SYNDIG1: variants seen among roughly 807,000 people sequenced by gnomAD.
The protein encoded by SYNDIG1 is synapse differentiation-inducing gene protein 1.
In SYNDIG1, 9 loss-of-function variants were observed where a neutral mutation model predicts 19.4. That is an observed-to-expected ratio of 0.46 (90% CI 0.28 to 0.81). SYNDIG1 has a LOEUF of 0.81. Among genes scored for constraint, SYNDIG1 ranks in the 30% least tolerant of loss-of-function variants. The pLI is 0.12. For synonymous variants in SYNDIG1, 141 were observed against 145.9 expected (o/e 0.97, Z 0.24); for missense variants, 311 against 343.3 (o/e 0.91, Z 0.74).
intron 2 of SYNDIG1, among the ~76,000 whole-genome samples, chr20:24,553,566 A>G (rs1218424936): frequency 6.6e-6 from 1 of 152,066 alleles, no homozygotes; most frequent in African/African-American, 2.4e-5. Flanking sequence ...ATTAAATAGG[A>G]AATCCTTCCC....
chr20:24,503,986 G>A (rs1460766694), intron 1 of SYNDIG1, among the ~76,000 whole-genome samples: 1 of 142,854 alleles, frequency 7.0e-6, no homozygotes, highest in Non-Finnish European at 1.5e-5. Flanking sequence ...TTGAGACGGA[G>A]TCTCACACTT....
At chr20:24,640,808 A>G (rs952511300) in intron 3 of SYNDIG1, among the ~76,000 whole-genome samples, 4 of 152,136 alleles carry the variant, frequency 2.6e-5, no homozygotes, top group Non-Finnish European at 5.9e-5. Flanking sequence ...GAGGCACCAA[A>G]CTAGCAACCC....
intron 1 of SYNDIG1, among the ~76,000 whole-genome samples, chr20:24,532,747 C>T (rs73343343): frequency 0.11 from 17,457 of 152,254 alleles, 2,726 homozygotes; most frequent in African/African-American, 0.36. Context: ...TGAGCTGTTT[C>T]GCCAGCTTTC....
intron 3 of SYNDIG1, among the ~76,000 whole-genome samples, chr20:24,655,539 C>G (rs912571739): frequency 4.6e-5 from 7 of 152,156 alleles, no homozygotes; most frequent in Non-Finnish European, 8.8e-5. Flanking sequence ...GATCCACTAA[C>G]AAAGTTCAAA....
At chr20:24,545,995 T>C (rs1002760564) in intron 2 of SYNDIG1, among the ~76,000 whole-genome samples, 1 of 152,206 alleles carries the variant, frequency 6.6e-6, no homozygotes, top group Non-Finnish European at 1.5e-5. Flanking sequence ...GGAGCTCACC[T>C]GGACCAAGAA....
At chr20:24,492,358 C>T (rs1181833906) in intron 1 of SYNDIG1, among the ~76,000 whole-genome samples, 4 of 152,190 alleles carry the variant, frequency 2.6e-5, no homozygotes, top group Admixed American at 6.5e-5. Flanking sequence ...TCGGCCCCGC[C>T]GCCTCTGCTG....
At chr20:24,570,232 T>C (rs2146936828) in intron 2 of SYNDIG1, among the ~76,000 whole-genome samples, 1 of 152,304 alleles carries the variant, frequency 6.6e-6, no homozygotes, top group African/African-American at 2.4e-5. Context: ...CTCTGTAACC[T>C]AGGGTAAGGT....
chr20:24,601,033 C>T (rs947837165), intron 3 of SYNDIG1, among the ~76,000 whole-genome samples: 4 of 152,156 alleles, frequency 2.6e-5, no homozygotes, highest in Non-Finnish European at 5.9e-5. Flanking sequence ...CTTTAGGTAA[C>T]TCATTTTTAA....
intron 1 of SYNDIG1, among the ~76,000 whole-genome samples, chr20:24,491,250 G>A (rs1485218767): frequency 1.3e-5 from 2 of 152,208 alleles, no homozygotes; most frequent in East Asian, 1.9e-4. Flanking sequence ...GTGGTGACTC[G>A]TGGAATACTT....
chr20:24,519,470 C>T (rs563762929), intron 1 of SYNDIG1, among the ~76,000 whole-genome samples: 3 of 152,238 alleles, frequency 2.0e-5, no homozygotes, highest in African/African-American at 7.2e-5. Flanking sequence ...TCATGTTGCA[C>T]CCTAAGGATT....
chr20:24,598,477 A>G (rs969065877), intron 3 of SYNDIG1, among the ~76,000 whole-genome samples: 18 of 152,216 alleles, frequency 1.2e-4, no homozygotes, highest in African/African-American at 4.3e-4. Flanking sequence ...GGAAAATTCT[A>G]TTGTACCCAG....
intron 1 of SYNDIG1, among the ~76,000 whole-genome samples, chr20:24,511,542 C>G (rs568539001): frequency 9.8e-4 from 149 of 152,224 alleles, no homozygotes; most frequent in African/African-American, 2.7e-3. Flanking sequence ...GATTTCCACT[C>G]CCTTCTTGAG....
At chr20:24,607,950 T>C (rs1415749975) in intron 3 of SYNDIG1, among the ~76,000 whole-genome samples, 1 of 152,166 alleles carries the variant, frequency 6.6e-6, no homozygotes, top group African/African-American at 2.4e-5. Context: ...TATACAGAAA[T>C]CTATTTTAAA....
chr20:24,619,302 T>G (rs1253400201), intron 3 of SYNDIG1, among the ~76,000 whole-genome samples: 1 of 152,176 alleles, frequency 6.6e-6, no homozygotes, highest in Non-Finnish European at 1.5e-5. Flanking sequence ...CCACATAAGC[T>G]CCTAAGGCCT....
At chr20:24,641,679 A>G (rs1301146752) in intron 3 of SYNDIG1, among the ~76,000 whole-genome samples, 2 of 152,224 alleles carry the variant, frequency 1.3e-5, no homozygotes, top group Non-Finnish European at 2.9e-5. Context: ...GCTAGACTTG[A>G]GCTGGGCCGG....
At chr20:24,477,459 T>C (rs2055666148) in intron 1 of SYNDIG1, among the ~76,000 whole-genome samples, 1 of 152,178 alleles carries the variant, frequency 6.6e-6, no homozygotes, top group African/African-American at 2.4e-5. Context: ...GGCACTGCAG[T>C]TACCAGCTAG....
chr20:24,585,279 G>A (rs1233173655), intron 3 of SYNDIG1, among the ~76,000 whole-genome samples: 1 of 152,220 alleles, frequency 6.6e-6, no homozygotes, highest in Non-Finnish European at 1.5e-5. Flanking sequence ...TGGGTAGAAG[G>A]CACATGGCCT....
intron 2 of SYNDIG1, among the ~76,000 whole-genome samples, chr20:24,563,158 G>A (rs185779642): frequency 1.2e-3 from 178 of 152,254 alleles, no homozygotes; most frequent in African/African-American, 4.2e-3. Flanking sequence ...ATGTAGATGT[G>A]TTCGATGGCT....
chr20:24,607,967 T>G (rs80316085), intron 3 of SYNDIG1, among the ~76,000 whole-genome samples: 4,400 of 152,244 alleles, frequency 0.029, 205 homozygotes, highest in African/African-American at 0.099. Context: ...TAAACACTTT[T>G]CCCGGATGAG....
Sources: allele counts gnomAD v4.1 joint callset (sites outside exome capture counted in the v4.1 genomes callset), GRCh38; gene constraint gnomAD v4.1.1; transcripts MANE v1.5; gene names NCBI Gene and HGNC (gene_info 2026-07-23, HGNC 2026-07-21).